ENTPD1: variants seen among roughly 807,000 people sequenced by gnomAD.
ENTPD1 encodes the protein ectonucleoside triphosphate diphosphohydrolase 1.
A neutral mutation model predicts 57.0 loss-of-function variants in ENTPD1; 33 were observed. The ratio of observed to expected loss-of-function variants is 0.58; its 90% CI spans 0.44 to 0.77. The LOEUF (loss-of-function observed/expected upper bound fraction) is 0.77, where lower values mean the gene tolerates loss of function less well. Among genes scored for constraint, ENTPD1 ranks in the 30% least tolerant of loss-of-function variants. ENTPD1 has a pLI of 0.00. For missense variants in ENTPD1, 501 were observed against 603.4 expected (o/e 0.83, Z 1.78); for synonymous variants, 202 against 218.8 (o/e 0.92, Z 0.68).
intron 1 of ENTPD1, among the ~76,000 whole-genome samples, chr10:95,721,132 T>C (rs1436111155): frequency 2.0e-5 from 3 of 152,202 alleles, no homozygotes; most frequent in Non-Finnish European, 4.4e-5. Context: ...AGAGGTATGC[T>C]TCCTCAGTGC....
At chr10:95,734,493 T>G (rs1189941985) in intron 1 of ENTPD1, among the ~76,000 whole-genome samples, 1 of 152,230 alleles carries the variant, frequency 6.6e-6, no homozygotes, top group Admixed American at 6.5e-5. Flanking sequence ...ATATGTTATT[T>G]GCAATTTGGA....
intron 1 of ENTPD1, among the ~76,000 whole-genome samples, chr10:95,735,664 C>T (rs1281070858): frequency 5.9e-5 from 9 of 152,026 alleles, no homozygotes; most frequent in East Asian, 1.9e-4. Flanking sequence ...GGTGCGATCT[C>T]GGCTCACTGC....
chr10:95,761,082 G>A (rs1414698837), intron 1 of ENTPD1, among the ~76,000 whole-genome samples: 4 of 151,954 alleles, frequency 2.6e-5, no homozygotes, highest in Non-Finnish European at 5.9e-5. Flanking sequence ...CGCCCGTCTC[G>A]GCCTCCCAGA....
At chr10:95,703,545 G>A in the ENTPD1 span, among the ~76,000 whole-genome samples, 1 of 152,078 alleles carries the variant, frequency 6.6e-6, no homozygotes, top group Non-Finnish European at 1.5e-5. Flanking sequence ...ACTTTGGGAG[G>A]CCAAGGCAGG....
intron 1 of ENTPD1, among the ~76,000 whole-genome samples, chr10:95,809,397 C>CA (rs2098288470): frequency 6.7e-6 from 1 of 149,780 alleles, no homozygotes; most frequent in Admixed American, 6.6e-5. Flanking sequence ...CCCCACCCCC[C>CA]AGACGGGGAG....
intron 1 of ENTPD1, among the ~76,000 whole-genome samples, chr10:95,735,526 A>G (rs1762375411): frequency 6.6e-6 from 1 of 152,164 alleles, no homozygotes; most frequent in African/African-American, 2.4e-5. Context: ...ATTTTAATTA[A>G]ATTCTAGACC....
intron 1 of ENTPD1, among the ~76,000 whole-genome samples, chr10:95,812,601 C>A (rs1228940662): frequency 6.6e-6 from 1 of 152,134 alleles, no homozygotes; most frequent in African/African-American, 2.4e-5. Flanking sequence ...CAGGTAAATA[C>A]CTCAGTGTGG....
chr10:95,708,179 T>C (rs183830169), upstream of ENTPD1, among the ~76,000 whole-genome samples: 6 of 148,632 alleles, frequency 4.0e-5, no homozygotes, highest in East Asian at 1.2e-3. Flanking sequence ...TATTCAGGGA[T>C]TTAACTTCTT....
chr10:95,821,472 G>A (rs763025978), intron 1 of ENTPD1, among the ~76,000 whole-genome samples: 2 of 152,088 alleles, frequency 1.3e-5, no homozygotes, highest in African/African-American at 2.4e-5. Flanking sequence ...CTTCCTCCAC[G>A]GTCACATGGG....
rs527697173 is a variant in ENTPD1, at chr10:95,758,560, C to G, written c.16+2305C>G. On this transcript the variant is annotated intron_variant, in intron 1 of 9. Transcript: ENST00000371205. ...ACCTCATCAGTTATGCCTAAGGTGG[C>G]ACTCATCATACTTGTCCATGCTCCT... 6.6e-5 allele frequency among the ~76,000 whole-genome samples: 10 copies of G among 152,308 alleles called. No individual in the cohort carries two copies. In the South Asian group the frequency reaches 2.1e-3, roughly 32 times the overall value.
chr10:95,778,416 A>G (rs2098142615), intron 1 of ENTPD1, among the ~76,000 whole-genome samples: 1 of 152,216 alleles, frequency 6.6e-6, no homozygotes, highest in South Asian at 2.1e-4. Flanking sequence ...AAAATATCCA[A>G]CTTCACTGGT....
chr10:95,870,755 GAA>G lies in ENTPD1; in HGVS notation c.*4373_*4374del, dbSNP rs1236291239. ...GCTCTGATTCAAATTCCAACTGTTA[GAA>G]CATGACAGCTGCTCATAACTAGCTT... is the stretch of plus-strand genomic sequence containing the variant. On this transcript the variant is annotated 3_prime_UTR_variant, in exon 10 of 10. Transcript: ENST00000371205. 1 of 985,298 alleles carries G rather than the reference GAA, an allele frequency of 1.0e-6. No individual in the cohort carries two copies. The highest frequency in any genetic ancestry group is 1.7e-5 in the African/African-American group (1 of 57,244). The allele number at this position is 985,298 out of a possible 1,614,324, so 61.0% of individuals were successfully genotyped here. A position where few individuals can be genotyped will look rare whatever the true frequency, so the allele number is the denominator to read the frequency against.
chr10:95,797,473 G>A (rs2098231219), intron 1 of ENTPD1, among the ~76,000 whole-genome samples: 1 of 152,092 alleles, frequency 6.6e-6, no homozygotes. Flanking sequence ...TTCTTTAAAG[G>A]AATGCCTGAG....
chr10:95,737,998 A>G (rs929666832), intron 1 of ENTPD1, among the ~76,000 whole-genome samples: 1 of 152,174 alleles, frequency 6.6e-6, no homozygotes, highest in African/African-American at 2.4e-5. Flanking sequence ...GTAAGAGGAA[A>G]ACCTGGTGGA....
chr10:95,781,237 G>A (rs1234056631), intron 1 of ENTPD1, among the ~76,000 whole-genome samples: 1 of 152,056 alleles, frequency 6.6e-6, no homozygotes, highest in East Asian at 1.9e-4. Flanking sequence ...GTAGAAGGAT[G>A]GTTACTAGAG....
chr10:95,757,812 C>T (rs1361675976), intron 1 of ENTPD1, among the ~76,000 whole-genome samples: 1 of 151,764 alleles, frequency 6.6e-6, no homozygotes. Flanking sequence ...CGAGACCGGC[C>T]TGGCCAACAT....
At chr10:95,833,568 ACT>A (rs71891051) in intron 2 of ENTPD1, 11,137 of 152,278 alleles carry the variant, frequency 0.073, 448 homozygotes, top group African/African-American at 0.097. Context: ...TTGAAGACAC[ACT>A]GTGTCTGAAG....
chr10:95,717,627 T>C (rs1372311733), intron 1 of ENTPD1, among the ~76,000 whole-genome samples: 2 of 152,174 alleles, frequency 1.3e-5, no homozygotes, highest in East Asian at 3.8e-4. Flanking sequence ...TGGTCACCTT[T>C]CCCAGCTAGG....
intron 7 of ENTPD1, among the ~76,000 whole-genome samples, chr10:95,852,274 GTTGT>G (rs1476104225): frequency 1.3e-5 from 2 of 152,316 alleles, no homozygotes; most frequent in Admixed American, 6.5e-5. Context: ...TTGTGATGGG[GTTGT>G]TTGTTTTTTT....
Sources: allele counts gnomAD v4.1 joint callset (sites outside exome capture counted in the v4.1 genomes callset), GRCh38; gene constraint gnomAD v4.1.1; transcripts MANE v1.5; gene names NCBI Gene and HGNC (gene_info 2026-07-23, HGNC 2026-07-21).